KCNIP4: variants seen among roughly 807,000 people sequenced by gnomAD.
KCNIP4 encodes potassium voltage-gated channel interacting protein 4, also known as Kv channel-interacting protein 4.
A neutral mutation model predicts 34.0 loss-of-function variants in KCNIP4; 12 were observed. The ratio of observed to expected loss-of-function variants is 0.35; its 90% CI spans 0.23 to 0.57. The LOEUF (loss-of-function observed/expected upper bound fraction) is 0.57, where lower values mean the gene tolerates loss of function less well. KCNIP4 is among the 20% of genes least tolerant of loss of function. KCNIP4 has a pLI of 0.83. For missense variants in KCNIP4, 238 were observed against 311.7 expected (o/e 0.76, Z 1.78); for synonymous variants, 124 against 102.2 (o/e 1.21, Z -1.29).
chr4:21,037,538 A>G (rs1266266407), intron 1 of KCNIP4, among the ~76,000 whole-genome samples: 2 of 152,240 alleles, frequency 1.3e-5, no homozygotes, highest in African/African-American at 4.8e-5. Context: ...GTAGTAGGCT[A>G]CACCCTCTAG....
intron 1 of KCNIP4, among the ~76,000 whole-genome samples, chr4:20,926,733 G>A (rs1254348894): frequency 1.3e-5 from 2 of 152,098 alleles, no homozygotes; most frequent in Non-Finnish European, 2.9e-5. Flanking sequence ...GTTTCCACAT[G>A]AGTCACTCCA....
At chr4:21,418,149 C>A (rs1208898163) in intron 1 of KCNIP4, among the ~76,000 whole-genome samples, 2 of 93,546 alleles carry the variant, frequency 2.1e-5, no homozygotes, top group African/African-American at 4.1e-5. Flanking sequence ...ATTTGTCTAT[C>A]GATCTACACA....
At chr4:20,964,546 G>T (rs1260421471) in intron 1 of KCNIP4, among the ~76,000 whole-genome samples, 1 of 152,124 alleles carries the variant, frequency 6.6e-6, no homozygotes, top group African/African-American at 2.4e-5. Flanking sequence ...TTAACTGAGT[G>T]CCCTGGCCTT....
intron 1 of KCNIP4, among the ~76,000 whole-genome samples, chr4:21,341,084 A>G (rs1226326542): frequency 3.9e-5 from 6 of 152,130 alleles, no homozygotes; most frequent in Non-Finnish European, 7.4e-5. Flanking sequence ...AAGGAAAGCT[A>G]TATGACAATA....
intron 1 of KCNIP4, among the ~76,000 whole-genome samples, chr4:21,151,335 T>A (rs1338075037): frequency 6.6e-6 from 1 of 151,334 alleles, no homozygotes; most frequent in Non-Finnish European, 1.5e-5. Flanking sequence ...ACATCAGGCC[T>A]TTACCTCCCT....
chr4:20,979,845 A>G (rs1325693290), intron 1 of KCNIP4, among the ~76,000 whole-genome samples: 1 of 152,146 alleles, frequency 6.6e-6, no homozygotes, highest in Non-Finnish European at 1.5e-5. Flanking sequence ...GTGCACTTCT[A>G]GTGTTGAACC....
chr4:21,245,571 C>A (rs1206066191), intron 1 of KCNIP4, among the ~76,000 whole-genome samples: 1 of 151,998 alleles, frequency 6.6e-6, no homozygotes, highest in Non-Finnish European at 1.5e-5. Context: ...ACGTAAAAAT[C>A]CCTGTAGGTC....
intron 1 of KCNIP4, among the ~76,000 whole-genome samples, chr4:20,906,384 C>A (rs1424125594): frequency 6.6e-6 from 1 of 152,124 alleles, no homozygotes; most frequent in Non-Finnish European, 1.5e-5. Flanking sequence ...TATGCAGATT[C>A]ATCTATGTCT....
chr4:21,911,950 A>T (rs141752555), intron 1 of KCNIP4, among the ~76,000 whole-genome samples: 2 of 152,100 alleles, frequency 1.3e-5, no homozygotes, highest in African/African-American at 4.8e-5. Context: ...ATTCTACAAC[A>T]TTTGCAAAGC....
chr4:21,753,168 G>C (rs1036159253), intron 1 of KCNIP4, among the ~76,000 whole-genome samples: 3 of 152,178 alleles, frequency 2.0e-5, no homozygotes, highest in Non-Finnish European at 4.4e-5. Flanking sequence ...GCAGGGCAGG[G>C]TAAAGTGTAG....
chr4:21,075,959 A>C (rs972933684), intron 1 of KCNIP4, among the ~76,000 whole-genome samples: 8 of 152,138 alleles, frequency 5.3e-5, no homozygotes, highest in African/African-American at 1.9e-4. Flanking sequence ...AATGTTGAAT[A>C]CTGGCCCCCA....
chr4:21,710,626 A>G (rs918716196), intron 1 of KCNIP4, among the ~76,000 whole-genome samples: 2 of 152,178 alleles, frequency 1.3e-5, no homozygotes, highest in African/African-American at 4.8e-5. Context: ...TGTAGCCAAC[A>G]TGTGCCTGGA....
chr4:20,824,428 T>C (rs1276871735), intron 3 of KCNIP4, among the ~76,000 whole-genome samples: 2 of 152,166 alleles, frequency 1.3e-5, no homozygotes, highest in Non-Finnish European at 2.9e-5. Flanking sequence ...ATGCCTGTAA[T>C]CCCAGCACTT....
At chr4:21,386,243 T>G (rs1382783960) in intron 1 of KCNIP4, among the ~76,000 whole-genome samples, 2 of 152,186 alleles carry the variant, frequency 1.3e-5, no homozygotes, top group East Asian at 3.8e-4. Context: ...GAACAACTGC[T>G]GAGACAATCA....
chr4:20,790,555 AT>A (rs35279860), intron 3 of KCNIP4, among the ~76,000 whole-genome samples: 85,976 of 150,032 alleles, frequency 0.57, 25,013 homozygotes, highest in East Asian at 0.76. Context: ...TTAATTTTTA[AT>A]TTTTTTTTTT....
intron 1 of KCNIP4, among the ~76,000 whole-genome samples, chr4:21,368,559 C>T (rs1294965928): frequency 6.8e-6 from 1 of 146,924 alleles, no homozygotes; most frequent in African/African-American, 2.7e-5. Flanking sequence ...TAACTAAGGC[C>T]CAGTAAGGTT....
intron 1 of KCNIP4, among the ~76,000 whole-genome samples, chr4:21,519,588 GTA>G (rs1491091728): frequency 2.0e-5 from 2 of 101,306 alleles, no homozygotes; most frequent in Non-Finnish European, 3.9e-5. Context: ...GTGTGTGTAT[GTA>G]TGTGTATATA....
In KCNIP4 at chr4:21,006,816, T is replaced by C. The variant is rs1738602092; in HGVS notation, c.62-124107A>G. On this transcript the variant is annotated intron_variant, in intron 1 of 8. Coordinates refer to ENST00000382152, the MANE Select transcript of KCNIP4 (RefSeq NM_025221.6). ...GTCTGATGAAGGATGGCATTGGCAG[T>C]TGTATTGTCATGGCGGACCTAACTT... Among the ~76,000 whole-genome samples the C allele has an allele frequency of 2.0e-5, 3 of 152,156 alleles. No individual in the cohort carries two copies. The South Asian group carries it at 6.2e-4, about 32-fold the overall frequency.
At position 21,840,554 on chromosome 4, in the gene KCNIP4, C is replaced by G. The variant is rs149215261; in HGVS notation, c.61+108017G>C. 4.4e-3 allele frequency among the ~76,000 whole-genome samples: 673 copies of G among 152,256 alleles called. 6 individuals carry two copies. Among genetic ancestry groups the G allele is most frequent in the African/African-American group, 0.015 (612 of 41,558 alleles). On this transcript the variant is annotated intron_variant, in intron 1 of 8. Coordinates refer to ENST00000382152, the MANE Select transcript of KCNIP4 (RefSeq NM_025221.6). Reference sequence around the variant, plus strand: ...TTTCTTCTGACCAACTTACATCCCTCTTTTTCCAATAATGGCACCCCAATT... The same window carrying G: ...TTTCTTCTGACCAACTTACATCCCTGTTTTTCCAATAATGGCACCCCAATT...
Sources: gnomAD v4.1 joint callset for allele counts (sites outside exome capture counted in the v4.1 genomes callset) on GRCh38, gnomAD v4.1.1 for gene constraint, MANE v1.5 for transcripts, NCBI Gene and HGNC (gene_info 2026-07-23, HGNC 2026-07-21) for gene names.